SYN3: variants seen among roughly 807,000 people sequenced by gnomAD.
SYN3 encodes synapsin III.
In SYN3, 35 loss-of-function variants were observed where a neutral mutation model predicts 65.8. That is an observed-to-expected ratio of 0.53 (90% CI 0.41 to 0.70). The LOEUF is 0.70. SYN3 is among the 30% of genes least tolerant of loss of function. The pLI is 0.00. For synonymous variants in SYN3, 270 were observed against 292.9 expected, an observed-to-expected ratio of 0.92 and a Z score of 0.80; for missense variants, 680 against 749.0, an observed-to-expected ratio of 0.91 and a Z score of 1.08.
intron 3 of SYN3, among the ~76,000 whole-genome samples, chr22:32,965,749 G>GC (rs1482314001): frequency 3.9e-5 from 6 of 152,102 alleles, no homozygotes; most frequent in Non-Finnish European, 8.8e-5. Context: ...AGGCTGAAGT[G>GC]AGTGGCACGA....
chr22:32,622,740 A>G (rs1195739791), intron 6 of SYN3, among the ~76,000 whole-genome samples: 1 of 151,934 alleles, frequency 6.6e-6, no homozygotes, highest in Non-Finnish European at 1.5e-5. Flanking sequence ...AAAAAAAAAA[A>G]AAAAAGTTTC....
At chr22:32,997,238 T>A (rs565298764) in intron 2 of SYN3, among the ~76,000 whole-genome samples, 93 of 152,274 alleles carry the variant, frequency 6.1e-4, no homozygotes, top group African/African-American at 2.0e-3. Context: ...TTGGGAGAGC[T>A]AAATTAGAGA....
rs750613435 is a variant in SYN3 at position 33,006,649 on chromosome 22, C to A, written c.14G>T (p.Arg5Leu). 1.3e-6 allele frequency: 2 copies of A among 1,578,966 alleles called. No homozygotes were observed. Among genetic ancestry groups the A allele is most frequent in the Non-Finnish European group, 1.7e-6 (2 of 1,161,768 alleles). Reference protein sequence around the residue: MNFLRRRLSDSSFMA... With the variant: MNFLLRRLSDSSFMA... ...GAAGCTGCTGTCAGAGAGACGTCGC[C>A]GGAGGAAATTCATGGCTGTGGATGG... Residue 5 changes from arginine (R) to leucine (L), a missense_variant, in exon 2 of 14, where the codon CGG becomes CTG. Transcript: ENST00000358763.
chr22:32,801,492 G>A lies in SYN3; in HGVS notation c.711+63423C>T, dbSNP rs1490646321. Reference sequence around the variant, plus strand: ...CGGGCGCGCCCCAGCCCACCCACTCGCGTGCCCACGGCGGCATTATTCCCT... The same window carrying A: ...CGGGCGCGCCCCAGCCCACCCACTCACGTGCCCACGGCGGCATTATTCCCT... On this transcript the variant is annotated intron_variant, in intron 6 of 13. Transcript: ENST00000358763. The surrounding 1 kb of genome is among the most constrained non-coding windows in gnomAD (Gnocchi z 4.7). Among the ~76,000 whole-genome samples the A allele has an allele frequency of 6.6e-6, 1 of 152,204 alleles. No homozygotes were observed. The highest frequency in any genetic ancestry group is 2.4e-5 in the African/African-American group (1 of 41,462).
chr22:32,976,997 G>T (rs241727), intron 3 of SYN3, among the ~76,000 whole-genome samples: 6 of 147,814 alleles, frequency 4.1e-5, no homozygotes, highest in Non-Finnish European at 7.4e-5. Context: ...AGATTCCTGG[G>T]GGGGGGGTTG....
intron 6 of SYN3, among the ~76,000 whole-genome samples, chr22:32,646,824 CT>C (rs1274362375): frequency 1.3e-5 from 2 of 152,220 alleles, no homozygotes; most frequent in African/African-American, 4.8e-5. Flanking sequence ...GCAAGGCCCC[CT>C]CTCCCTCTGT....
intron 5 of SYN3, among the ~76,000 whole-genome samples, chr22:32,868,278 ATGTTT>A (rs2048742700): frequency 6.7e-6 from 1 of 149,198 alleles, no homozygotes; most frequent in Non-Finnish European, 1.5e-5. Flanking sequence ...ATATAATAAC[ATGTTT>A]TGTTATTATA....
intron 4 of SYN3, among the ~76,000 whole-genome samples, chr22:32,888,575 T>C (rs1222608873): frequency 6.6e-6 from 1 of 152,188 alleles, no homozygotes; most frequent in Non-Finnish European, 1.5e-5. Flanking sequence ...TGATCAGTGA[T>C]GTTTAACAGA....
chr22:32,624,913 T>A (rs2059644622), intron 6 of SYN3, among the ~76,000 whole-genome samples: 1 of 152,182 alleles, frequency 6.6e-6, no homozygotes, highest in South Asian at 2.1e-4. Flanking sequence ...CTTGCTCAAG[T>A]CAAATAAGCT....
chr22:32,790,613 G>A (rs962613607), intron 6 of SYN3, among the ~76,000 whole-genome samples: 2 of 152,052 alleles, frequency 1.3e-5, no homozygotes, highest in African/African-American at 2.4e-5. Flanking sequence ...TTTTAGTAGA[G>A]ACGGGGTTTC....
chr22:32,921,481 G>A (rs2050332616), intron 4 of SYN3, among the ~76,000 whole-genome samples: 1 of 152,192 alleles, frequency 6.6e-6, no homozygotes, highest in South Asian at 2.1e-4. Flanking sequence ...CAGAGACTGA[G>A]TGTCCACTCA....
intron 6 of SYN3, among the ~76,000 whole-genome samples, chr22:32,675,545 C>T (rs990719619): frequency 6.6e-6 from 1 of 152,096 alleles, no homozygotes; most frequent in South Asian, 2.1e-4. Flanking sequence ...TTAAAAAGTG[C>T]CTCCTGCAAC....
chr22:32,580,872 G>A (rs1330570259), intron 7 of SYN3, among the ~76,000 whole-genome samples: 1 of 152,180 alleles, frequency 6.6e-6, no homozygotes, highest in Non-Finnish European at 1.5e-5. Context: ...TCATGGTCTA[G>A]CAGCATTGAT....
intron 6 of SYN3, among the ~76,000 whole-genome samples, chr22:32,614,301 C>T (rs1181785258): frequency 5.3e-5 from 8 of 152,154 alleles, no homozygotes; most frequent in Non-Finnish European, 8.8e-5. Flanking sequence ...TATCTGCAGC[C>T]GATGGATGTG....
At chr22:32,761,296 G>T (rs2045473272) in intron 6 of SYN3, among the ~76,000 whole-genome samples, 1 of 152,192 alleles carries the variant, frequency 6.6e-6, no homozygotes, top group South Asian at 2.1e-4. Context: ...CTTTCCTTTG[G>T]TTTTTATGAG....
intron 5 of SYN3, among the ~76,000 whole-genome samples, chr22:32,865,810 C>G (rs1398842065): frequency 1.3e-5 from 2 of 152,148 alleles, no homozygotes; most frequent in Non-Finnish European, 1.5e-5. Context: ...GCTGCAGGTG[C>G]ATGGCTGTGA....
At chr22:32,544,866 C>T (rs1376393959) in intron 7 of SYN3, among the ~76,000 whole-genome samples, 4 of 152,186 alleles carry the variant, frequency 2.6e-5, no homozygotes, top group African/African-American at 9.7e-5. Context: ...CCTAGACAGC[C>T]CTGAGCACAG....
intron 6 of SYN3, among the ~76,000 whole-genome samples, chr22:32,789,714 AC>A (rs1263205371): frequency 1.3e-5 from 2 of 152,358 alleles, no homozygotes; most frequent in African/African-American, 4.8e-5. Context: ...TTGAGGACCT[AC>A]TGGGTATCAG....
chr22:32,524,837 C>T (rs952246191), intron 12 of SYN3, among the ~76,000 whole-genome samples: 1 of 152,054 alleles, frequency 6.6e-6, no homozygotes, highest in Admixed American at 6.6e-5. Context: ...GGTGAAACTC[C>T]ATCTCTACTA....
Sources: allele counts gnomAD v4.1 joint callset (sites outside exome capture counted in the v4.1 genomes callset), GRCh38; gene constraint gnomAD v4.1.1; non-coding constraint Gnocchi (gnomAD v3.1); transcripts MANE v1.5; gene names NCBI Gene and HGNC (gene_info 2026-07-23, HGNC 2026-07-21).